Variants in GNAL observed in about 807,000 individuals in gnomAD.
The protein encoded by GNAL is G protein subunit alpha L.
A neutral mutation model predicts 55.1 loss-of-function variants in GNAL; 18 were observed. The ratio of observed to expected loss-of-function variants is 0.33; its 90% CI spans 0.23 to 0.48. GNAL has a LOEUF of 0.48. Among genes scored for constraint, GNAL ranks in the 20% least tolerant of loss-of-function variants. The probability of loss-of-function intolerance (pLI) is 0.99; values close to 1 mark genes in which losing one functional copy is unlikely to be tolerated. For missense variants in GNAL, 412 were observed against 614.1 expected, an observed-to-expected ratio of 0.67 and a Z score of 3.48; for synonymous variants, 253 against 237.0, an observed-to-expected ratio of 1.07 and a Z score of -0.62.
At chr18:11,774,132 T>C (rs922488415) in intron 4 of GNAL, among the ~76,000 whole-genome samples, 2 of 152,196 alleles carry the variant, frequency 1.3e-5, no homozygotes, top group Non-Finnish European at 2.9e-5. Context: ...CCCTTCACCA[T>C]GCGTAATGTT....
At chr18:11,746,776 A>G in intron 1 of GNAL, 1 of 405,358 alleles carries the variant, frequency 2.5e-6, no homozygotes, top group Non-Finnish European at 4.9e-6. Flanking sequence ...CTCCCCAGAC[A>G]TTTGTGACTG....
chr18:11,855,969 T>C (rs1280714109), intron 5 of GNAL, among the ~76,000 whole-genome samples: 2 of 148,862 alleles, frequency 1.3e-5, no homozygotes, highest in Admixed American at 6.6e-5. Context: ...CGAAACTCCA[T>C]CTCAAAAAAA....
intron 1 of GNAL, chr18:11,747,021 C>T (rs191930367): frequency 5.9e-5 from 29 of 492,214 alleles, no homozygotes; most frequent in African/African-American, 3.9e-4. Context: ...GGACAGAGAT[C>T]AGATGAACTT....
chr18:11,742,289 A>G (rs983469117), intron 1 of GNAL, among the ~76,000 whole-genome samples: 1 of 152,250 alleles, frequency 6.6e-6, no homozygotes, highest in Non-Finnish European at 1.5e-5. Flanking sequence ...GGATGTCCAC[A>G]TGCTGCCTCA....
At chr18:11,710,238 T>C (rs2031804042) in intron 1 of GNAL, among the ~76,000 whole-genome samples, 1 of 152,174 alleles carries the variant, frequency 6.6e-6, no homozygotes, top group East Asian at 1.9e-4. Flanking sequence ...TATTAGCCTA[T>C]AGTTTCTTTT....
At chr18:11,829,813 C>T (rs1397453548) in intron 5 of GNAL, among the ~76,000 whole-genome samples, 1 of 152,082 alleles carries the variant, frequency 6.6e-6, no homozygotes, top group Non-Finnish European at 1.5e-5. Flanking sequence ...AGTTCGAGAC[C>T]AACCTGACAA....
rs866744675 is a variant in GNAL, at chr18:11,689,798, G to A, written c.235G>A (p.Glu79Lys). The A allele has an allele frequency of 2.6e-6, 4 of 1,537,964 alleles. No homozygotes were observed. Among genetic ancestry groups the A allele is most frequent in the Non-Finnish European group, 3.5e-6 (4 of 1,145,286 alleles). ...GCCGAAGGAGAAGCGGCAGCGCACC[G>A]AGCAGCTGAGTGCCGAGGAGCGCGA... The part of the protein sequence containing the change: ...DKPKEKRQRT[E>K]QLSAEEREAA... Residue 79 changes from glutamate to lysine, a missense_variant, in exon 1 of 12, where the codon GAG becomes AAG. Physicochemically the swap from Glu to Lys is moderately conservative, Grantham distance 56. This residue lies in a region of GNAL where 228 missense variants were observed against 194.8 expected (regional missense o/e 1.17). Coordinates refer to ENST00000334049, the MANE Select transcript of GNAL (RefSeq NM_182978.4).
intron 6 of GNAL, among the ~76,000 whole-genome samples, chr18:11,863,829 AG>A (rs2036200994): frequency 6.6e-6 from 1 of 152,218 alleles, no homozygotes; most frequent in Non-Finnish European, 1.5e-5. Context: ...AAGACTTGTG[AG>A]TGCAGAGTTA....
In GNAL at chr18:11,752,829, A is replaced by T; in HGVS notation, c.377-24A>T. On this transcript the variant is annotated intron_variant, in intron 1 of 11. Transcript: ENST00000334049. The surrounding 1 kb of genome is among the most constrained non-coding windows in gnomAD (Gnocchi z 4.5). ...GCAGCGATATCCGGACACAGATCACAGCGTTCTTTCTGTTTGTTTGCAGGG... is the reference window on the plus strand; with the variant it reads ...GCAGCGATATCCGGACACAGATCACTGCGTTCTTTCTGTTTGTTTGCAGGG... 1 of 1,542,514 alleles carries T rather than the reference A, an allele frequency of 6.5e-7. No homozygotes were observed. Among genetic ancestry groups the T allele is most frequent in the Non-Finnish European group, 9.0e-7 (1 of 1,115,024 alleles).
intron 5 of GNAL, among the ~76,000 whole-genome samples, chr18:11,854,673 C>T (rs2035962293): frequency 1.3e-5 from 2 of 151,944 alleles, no homozygotes; most frequent in Admixed American, 6.6e-5. Context: ...CTCAGCTACT[C>T]AGGAGGCTGA....
Position 11,884,608 on chromosome 18 carries a change from T to A in GNAL, c.*3473T>A. On this transcript the variant is annotated 3_prime_UTR_variant, in exon 12 of 12. Coordinates refer to ENST00000334049, the MANE Select transcript of GNAL (RefSeq NM_182978.4). Reference sequence around the variant, plus strand: ...GAGGTAGCACTTGGAGAGGGTGTAGTCTGTGGGCGTGATGCTACCCTGGAA... The same window carrying A: ...GAGGTAGCACTTGGAGAGGGTGTAGACTGTGGGCGTGATGCTACCCTGGAA... The A allele has an allele frequency of 6.2e-7, 1 of 1,613,158 alleles. No individual in the cohort carries two copies. The highest frequency in any genetic ancestry group is 2.2e-5 in the East Asian group (1 of 44,800).
Position 11,872,335 on chromosome 18 carries a change from G to T in GNAL, c.1099G>T (p.Ala367Ser). ...KQDMLAEKVL[A>S]GKSKIEDYFP... ...AGATATGCTGGCAGAAAAAGTCTTG[G>T]CAGGGAAATCAAAAATTGAAGACTA... The change falls in exon 10 of 12, where the codon GCA becomes TCA. Residue 367 changes from alanine to serine, a missense_variant. By Grantham distance (99) the Ala-to-Ser change is moderately conservative (BLOSUM62 1). Around this residue, in one of 5 missense-constraint regions of GNAL, gnomAD observed 79 missense variants for 127.1 expected, o/e 0.62. Coordinates refer to ENST00000334049, the MANE Select transcript of GNAL (RefSeq NM_182978.4). 1.3e-6 allele frequency: 2 copies of T among 1,575,542 alleles called. No individual in the cohort carries two copies. Among genetic ancestry groups the T allele is most frequent in the African/African-American group, 1.4e-5 (1 of 72,506 alleles).
At chr18:11,832,143 G>A (rs1408490082) in intron 5 of GNAL, among the ~76,000 whole-genome samples, 1 of 151,582 alleles carries the variant, frequency 6.6e-6, no homozygotes, top group Non-Finnish European at 1.5e-5. Flanking sequence ...GTTATTTTGG[G>A]AGAAAGAAAA....
Position 11,689,870 on chromosome 18 carries a change from C to G in GNAL, c.307C>G (p.Arg103Gly). The part of the protein sequence containing the change: ...EAVKEARKVS[R>G]GIDRMLRDQK... The stretch of plus-strand genomic sequence containing the variant: ...GGTCAAGGAGGCGAGGAAAGTGAGC[C>G]GGGGCATCGACCGCATGCTGCGCGA... Residue 103 changes from arginine to glycine, a missense_variant, in exon 1 of 12, where the codon CGG (arginine) becomes GGG (glycine). Around this residue, in one of 5 missense-constraint regions of GNAL, gnomAD observed 228 missense variants for 194.8 expected, o/e 1.17. Transcript: ENST00000334049. The G allele has an allele frequency of 6.6e-7, 1 of 1,512,996 alleles. No homozygotes were observed. Among genetic ancestry groups the G allele is most frequent in the Non-Finnish European group, 8.8e-7 (1 of 1,133,394 alleles). The allele number at this position is 1,512,996 out of a possible 1,614,324, so 93.7% of individuals were successfully genotyped here.
chr18:11,769,061 ATT>A (rs2033540321), intron 4 of GNAL, among the ~76,000 whole-genome samples: 9 of 91,764 alleles, frequency 9.8e-5, no homozygotes, highest in Non-Finnish European at 1.6e-4. Flanking sequence ...TATAATATAT[ATT>A]ATAATATAGA....
intron 1 of GNAL, among the ~76,000 whole-genome samples, chr18:11,732,964 G>A (rs998989555): frequency 6.6e-5 from 10 of 152,234 alleles, no homozygotes; most frequent in African/African-American, 2.4e-4. Context: ...TGAAGTAAGA[G>A]CTTTCTGGGC....
chr18:11,737,852 A>G (rs893174308), intron 1 of GNAL, among the ~76,000 whole-genome samples: 1 of 152,208 alleles, frequency 6.6e-6, no homozygotes, highest in Non-Finnish European at 1.5e-5. Flanking sequence ...TGATGACAGC[A>G]TTCAGCCTGA....
intron 1 of GNAL, among the ~76,000 whole-genome samples, chr18:11,719,709 C>T (rs1001962227): frequency 3.3e-5 from 5 of 152,230 alleles, no homozygotes; most frequent in African/African-American, 1.2e-4. Context: ...TGATGCCTCA[C>T]CCTGGAAGAA....
intron 1 of GNAL, among the ~76,000 whole-genome samples, chr18:11,728,650 T>C (rs1422146902): frequency 6.6e-6 from 1 of 152,194 alleles, no homozygotes; most frequent in African/African-American, 2.4e-5. Flanking sequence ...GTTTCTACAA[T>C]TATTTCTGAA....
Sources: gnomAD v4.1 joint callset for allele counts (sites outside exome capture counted in the v4.1 genomes callset) on GRCh38, gnomAD v4.1.1 for gene constraint, gnomAD v4.1.1 regional missense constraint, Gnocchi (gnomAD v3.1) non-coding constraint, MANE v1.5 for transcripts, NCBI Gene and HGNC (gene_info 2026-07-23, HGNC 2026-07-21) for gene names.